The following PTPRT variants were observed in gnomAD, a reference collection of about 807,000 sequenced individuals.
PTPRT encodes the protein protein tyrosine phosphatase receptor type T.
PTPRT carries 56 observed loss-of-function variants against 176.8 expected under a neutral mutation model. That is an observed-to-expected ratio of 0.32 (90% CI 0.26 to 0.40). The LOEUF (loss-of-function observed/expected upper bound fraction) is 0.40. PTPRT is among the 10% of genes least tolerant of loss of function. The pLI, the probability that PTPRT is intolerant of heterozygous loss-of-function variation, is 1.00. For missense variants in PTPRT, 1,540 were observed against 1,908.2 expected, an observed-to-expected ratio of 0.81 and a Z score of 3.60; for synonymous variants, 783 against 739.0, an observed-to-expected ratio of 1.06 and a Z score of -0.96.
chr20:42,487,981 T>C (rs1274111268), intron 7 of PTPRT, among the ~76,000 whole-genome samples: 1 of 152,230 alleles, frequency 6.6e-6, no homozygotes, highest in Admixed American at 6.5e-5. Flanking sequence ...TATGCATGTA[T>C]TTTTAATTAT....
chr20:42,396,819 A>G (rs867786025), intron 9 of PTPRT, among the ~76,000 whole-genome samples: 2 of 152,248 alleles, frequency 1.3e-5, no homozygotes, highest in South Asian at 4.2e-4. Context: ...TGGCCCCCCA[A>G]AGTGCTGGGA....
intron 1 of PTPRT, among the ~76,000 whole-genome samples, chr20:43,058,641 TG>T (rs1987336392): frequency 6.6e-6 from 1 of 152,154 alleles, no homozygotes; most frequent in African/African-American, 2.4e-5. Flanking sequence ...AATAACAAAG[TG>T]GTCATCAGTG....
At chr20:42,532,288 A>C (rs184546446) in intron 7 of PTPRT, among the ~76,000 whole-genome samples, 1 of 152,244 alleles carries the variant, frequency 6.6e-6, no homozygotes, top group Admixed American at 6.5e-5. Context: ...AGGCTGATAT[A>C]AGGAATGCAC....
chr20:42,115,399 A>C, intron 21 of PTPRT, 84 bp from the exon 22 acceptor site: 3 of 1,049,238 alleles, frequency 2.9e-6, no homozygotes, highest in Non-Finnish European at 4.4e-6. Context: ...CAGCTGTCTC[A>C]TCTGGTCGTC....
chr20:42,588,031 T>C (rs1257147110), intron 7 of PTPRT, among the ~76,000 whole-genome samples: 1 of 152,166 alleles, frequency 6.6e-6, no homozygotes. Context: ...TTCATCCCTT[T>C]CCCCAGTAGG....
At chr20:43,091,520 TTC>T (rs763714698) in intron 1 of PTPRT, among the ~76,000 whole-genome samples, 3,101 of 130,522 alleles carry the variant, frequency 0.024, 153 homozygotes, top group African/African-American at 0.083. Context: ...CCCCCTCTCT[TTC>T]TCTCTCTCTC....
chr20:42,727,618 G>A (rs2076400469), intron 6 of PTPRT, among the ~76,000 whole-genome samples: 2 of 152,144 alleles, frequency 1.3e-5, no homozygotes, highest in African/African-American at 2.4e-5. Context: ...GGAAGAACAA[G>A]TAAGAAAAGG....
chr20:42,658,477 C>T (rs1213280751), intron 7 of PTPRT, among the ~76,000 whole-genome samples: 1 of 152,150 alleles, frequency 6.6e-6, no homozygotes, highest in Non-Finnish European at 1.5e-5. Context: ...AAAAACATAA[C>T]ACTAAATAAA....
At chr20:43,139,216 T>A (rs1348180743) in intron 1 of PTPRT, among the ~76,000 whole-genome samples, 1 of 152,232 alleles carries the variant, frequency 6.6e-6, no homozygotes, top group East Asian at 1.9e-4. Context: ...CTCCTCCCTG[T>A]CTTGTGCTCA....
At position 42,358,611 on chromosome 20, in the gene PTPRT, C is replaced by A. The variant is rs190268727; in HGVS notation, c.1561-6326G>T. 3.0e-3 allele frequency among the ~76,000 whole-genome samples: 457 copies of A among 152,244 alleles called. 2 individuals carry two copies. Among genetic ancestry groups the A allele is most frequent in the Non-Finnish European group, 5.7e-3 (385 of 68,030 alleles). ...CATGGGAGAAGGGTGGGAGGCATGA[C>A]AGGAGATGGTGGAGAATGAAAGAAG... On this transcript the variant is annotated intron_variant, in intron 9 of 30. Coordinates refer to ENST00000373187, the MANE Select transcript of PTPRT (RefSeq NM_007050.6).
At chr20:43,059,541 A>G (rs916816421) in intron 1 of PTPRT, among the ~76,000 whole-genome samples, 1 of 152,176 alleles carries the variant, frequency 6.6e-6, no homozygotes. Flanking sequence ...TCTCATCTCC[A>G]ACTGAGACCT....
chr20:42,044,260 C>T, the PTPRT span, among the ~76,000 whole-genome samples: 1 of 152,236 alleles, frequency 6.6e-6, no homozygotes, highest in Non-Finnish European at 1.5e-5. Flanking sequence ...AAAATGCCAG[C>T]CACGCAGTGC....
chr20:42,474,541 G>A (rs6093651), intron 7 of PTPRT, among the ~76,000 whole-genome samples: 4,750 of 152,238 alleles, frequency 0.031, 224 homozygotes, highest in African/African-American at 0.11. Context: ...AGGTCCTTTG[G>A]GCAAAGCAGA....
rs1390102233 is a variant in PTPRT at position 42,116,020 on chromosome 20, A to G, written c.2983-705T>C. 5.6e-6 allele frequency: 4 copies of G among 719,550 alleles called. No homozygotes were observed. In the Admixed American group the frequency reaches 6.0e-5, roughly 11 times the overall value. 44.6% of individuals were successfully genotyped at this position (719,550 alleles called of 1,614,324 possible). A position where few individuals can be genotyped will look rare whatever the true frequency, so the allele number is the denominator to read the frequency against. On this transcript the variant is annotated intron_variant, in intron 21 of 30. Coordinates refer to ENST00000373187, the MANE Select transcript of PTPRT (RefSeq NM_007050.6). The stretch of plus-strand genomic sequence containing the variant: ...AAGAGATCATGGTTTTCCCCTTAAA[A>G]GAACAAAAGCATGATTACCATTCCG...
At chr20:42,944,832 T>C (rs569345913) in intron 1 of PTPRT, among the ~76,000 whole-genome samples, 4 of 152,304 alleles carry the variant, frequency 2.6e-5, no homozygotes, top group African/African-American at 9.6e-5. Flanking sequence ...AATATGTGTC[T>C]GTGATATCTT....
Position 42,211,886 on chromosome 20 carries a change from T to C in PTPRT, c.2343-12498A>G, listed in dbSNP as rs200667295. 5.9e-3 allele frequency among the ~76,000 whole-genome samples: 898 copies of C among 151,586 alleles called. 6 individuals are homozygous for C. The highest frequency in any genetic ancestry group is 0.014 in the Middle Eastern group (4 of 292). On this transcript the variant is annotated intron_variant, in intron 15 of 30. Coordinates refer to ENST00000373187, the MANE Select transcript of PTPRT (RefSeq NM_007050.6). ...GGCGTTATTCACAATAGCAAAGACT[T>C]GGAACCAACCCAAATGTCCAACAAT...
At chr20:42,394,997 T>C (rs77790326) in intron 9 of PTPRT, among the ~76,000 whole-genome samples, 10,351 of 152,234 alleles carry the variant, frequency 0.068, 436 homozygotes, top group African/African-American at 0.12. Context: ...GAAGCCCATA[T>C]TTTCTGCCTA....
At chr20:42,436,581 GC>G (rs1484149159) in intron 9 of PTPRT, among the ~76,000 whole-genome samples, 12 of 152,310 alleles carry the variant, frequency 7.9e-5, no homozygotes, top group African/African-American at 2.9e-4. Context: ...TAATTTGCTG[GC>G]ATGAGTGTAA....
chr20:42,861,506 C>T (rs2078660153), intron 2 of PTPRT, among the ~76,000 whole-genome samples: 1 of 151,712 alleles, frequency 6.6e-6, no homozygotes, highest in Admixed American at 6.6e-5. Context: ...TTCTGAGTAC[C>T]TACTATGTGT....
Sources: allele counts gnomAD v4.1 joint callset (sites outside exome capture counted in the v4.1 genomes callset), GRCh38; gene constraint gnomAD v4.1.1; transcripts MANE v1.5; gene names NCBI Gene and HGNC (gene_info 2026-07-23, HGNC 2026-07-21).